The following KCNT2 variants were observed in gnomAD, a reference collection of about 807,000 sequenced individuals.
KCNT2 encodes potassium channel subfamily T member 2.
Under a neutral mutation model 153.8 loss-of-function variants are expected in KCNT2, and 67 were observed. The observed-to-expected ratio is 0.44, with a 90% CI of 0.36 to 0.53. KCNT2 has a LOEUF of 0.53. Among genes scored for constraint, KCNT2 ranks in the 20% least tolerant of loss-of-function variants. The pLI is 0.00. For missense variants in KCNT2, 975 were observed against 1,354.8 expected (o/e 0.72, Z 4.40); for synonymous variants, 500 against 458.8 (o/e 1.09, Z -1.15).
intron 21 of KCNT2, among the ~76,000 whole-genome samples, chr1:196,309,041 T>A (rs1298885623): frequency 6.6e-6 from 1 of 151,872 alleles, no homozygotes; most frequent in Non-Finnish European, 1.5e-5. Flanking sequence ...ATTCACCAAT[T>A]ATAAGGATAT....
At chr1:196,553,663 T>C (rs1658250431) in intron 1 of KCNT2, among the ~76,000 whole-genome samples, 1 of 151,148 alleles carries the variant, frequency 6.6e-6, no homozygotes, top group Non-Finnish European at 1.5e-5. Flanking sequence ...ACAGAACACT[T>C]CATCCAATGG....
At chr1:196,436,807 TATC>T (rs914515943) in intron 8 of KCNT2, among the ~76,000 whole-genome samples, 42 of 150,162 alleles carry the variant, frequency 2.8e-4, no homozygotes, top group Admixed American at 2.7e-4. Flanking sequence ...TATTTTGCCT[TATC>T]ATAAAAGAAA....
At chr1:196,291,612 CCTCT>C in intron 22 of KCNT2, among the ~76,000 whole-genome samples, 1 of 152,048 alleles carries the variant, frequency 6.6e-6, no homozygotes, top group Non-Finnish European at 1.5e-5. Flanking sequence ...CATTAACCTA[CCTCT>C]CTGTGTCTCA....
intron 25 of KCNT2, among the ~76,000 whole-genome samples, chr1:196,264,254 T>C (rs1380478663): frequency 6.6e-6 from 1 of 152,216 alleles, no homozygotes; most frequent in Non-Finnish European, 1.5e-5. Context: ...TTAAATAATG[T>C]ATCTGAGTTA....
intron 1 of KCNT2, among the ~76,000 whole-genome samples, chr1:196,547,725 T>C (rs1657295816): frequency 6.6e-6 from 1 of 152,066 alleles, no homozygotes; most frequent in Non-Finnish European, 1.5e-5. Flanking sequence ...ATCAATAATA[T>C]TTTTGAGTGA....
intron 8 of KCNT2, among the ~76,000 whole-genome samples, chr1:196,439,816 T>C (rs979694956): frequency 5.9e-5 from 9 of 151,896 alleles, no homozygotes; most frequent in Non-Finnish European, 1.2e-4. Flanking sequence ...AATAGTAATA[T>C]GGACTTGTTA....
At chr1:196,571,656 T>G (rs1446904142) in intron 1 of KCNT2, among the ~76,000 whole-genome samples, 1 of 152,044 alleles carries the variant, frequency 6.6e-6, no homozygotes, top group Non-Finnish European at 1.5e-5. Flanking sequence ...CTAATGCATA[T>G]CAAACTAGAG....
chr1:196,317,126 G>T (rs1039479481), intron 20 of KCNT2: 7 of 262,712 alleles, frequency 2.7e-5, no homozygotes, highest in African/African-American at 1.4e-4. Context: ...TTTATGGGAA[G>T]GCGGGAGGCA....
At chr1:196,308,751 C>T (rs1395011405) in intron 21 of KCNT2, among the ~76,000 whole-genome samples, 1 of 151,996 alleles carries the variant, frequency 6.6e-6, no homozygotes, top group African/African-American at 2.4e-5. Context: ...TCTGAAGCTT[C>T]CCCCACCATT....
chr1:196,293,830 T>A (rs1571936320), intron 22 of KCNT2, among the ~76,000 whole-genome samples: 1 of 135,420 alleles, frequency 7.4e-6, no homozygotes. Flanking sequence ...CAAATGGGAT[T>A]ATAACAAACT....
Position 196,316,050 on chromosome 1 carries a change from A to G in KCNT2, c.2349-24T>C, listed in dbSNP as rs748890829. On this transcript the variant is annotated intron_variant, in intron 20 of 27. Transcript: ENST00000294725. The stretch of plus-strand genomic sequence containing the variant: ...GGCTTTGATAAAAATCAACAGAGAA[A>G]AACAAACATTAAATAAATCACAATG... 4 of 1,602,840 alleles carry G rather than the reference A, an allele frequency of 2.5e-6. 1 individual carries two copies. The South Asian group carries it at 4.4e-5, about 18-fold the overall frequency.
chr1:196,447,034 A>C (rs1039646782), intron 8 of KCNT2, among the ~76,000 whole-genome samples: 2 of 151,594 alleles, frequency 1.3e-5, no homozygotes, highest in African/African-American at 4.8e-5. Context: ...ATTGGCCTTC[A>C]TTGTTAATCG....
In KCNT2 at chr1:196,333,978, T is replaced by C. The variant is rs1482474293; in HGVS notation, c.1866A>G (p.Lys622=). ...PTLSLPTEGS[K]EIRRPSIAPV... ...GAGCAATGCTAGGTCTTCTTATTTC[T>C]TTGCTTCCCTCTGTAGGAAGAGACA... Residue 622 remains lysine, a synonymous_variant, in exon 17 of 28, where the codon AAA becomes AAG. Coordinates refer to ENST00000294725, the MANE Select transcript of KCNT2 (RefSeq NM_198503.5). 1.2e-6 allele frequency: 2 copies of C among 1,613,292 alleles called. No individual in the cohort carries two copies. The highest frequency in any genetic ancestry group is 3.3e-5 in the Admixed American group (2 of 59,928).
At chr1:196,351,388 G>T (rs1179181934) in intron 14 of KCNT2, among the ~76,000 whole-genome samples, 3 of 152,088 alleles carry the variant, frequency 2.0e-5, no homozygotes, top group Non-Finnish European at 4.4e-5. Flanking sequence ...ATTGAGCAGT[G>T]GTTTGTAGTT....
At chr1:196,442,447 A>C (rs1675321330) in intron 8 of KCNT2, among the ~76,000 whole-genome samples, 1 of 151,814 alleles carries the variant, frequency 6.6e-6, no homozygotes, top group Non-Finnish European at 1.5e-5. Flanking sequence ...TCCTTGATGG[A>C]ACTTAGAGTT....
At chr1:196,408,308 T>A (rs1251939914) in intron 12 of KCNT2, among the ~76,000 whole-genome samples, 1 of 151,554 alleles carries the variant, frequency 6.6e-6, no homozygotes, top group Non-Finnish European at 1.5e-5. Flanking sequence ...TCTTTCATGA[T>A]CAATTTTGCC....
intron 7 of KCNT2, 26 bp from the exon 8 acceptor site, chr1:196,465,413 T>C (rs769489036): frequency 1.3e-5 from 16 of 1,209,200 alleles, no homozygotes; most frequent in African/African-American, 3.0e-5. Flanking sequence ...AAAAAAGTTG[T>C]AAATTTTGAT....
intron 4 of KCNT2, among the ~76,000 whole-genome samples, chr1:196,481,901 G>T (rs1202788280): frequency 1.3e-5 from 2 of 152,016 alleles, no homozygotes; most frequent in Non-Finnish European, 2.9e-5. Flanking sequence ...ATGAGTCATT[G>T]TTTCATTTGT....
chr1:196,364,848 CT>C (rs1385882443), intron 14 of KCNT2, among the ~76,000 whole-genome samples: 1 of 152,098 alleles, frequency 6.6e-6, no homozygotes, highest in African/African-American at 2.4e-5. Flanking sequence ...AAATAACATA[CT>C]TTCCCAATAA....
Sources: gnomAD v4.1 joint callset for allele counts (sites outside exome capture counted in the v4.1 genomes callset) on GRCh38, gnomAD v4.1.1 for gene constraint, MANE v1.5 for transcripts, NCBI Gene and HGNC (gene_info 2026-07-23, HGNC 2026-07-21) for gene names.